Variants in MYO3A observed in about 807,000 individuals in gnomAD.
MYO3A encodes myosin IIIA, also known as myosin-IIIa.
A neutral mutation model predicts 192.7 loss-of-function variants in MYO3A; 180 were observed. That is an observed-to-expected ratio of 0.93 (90% CI 0.83 to 1.06). The LOEUF is 1.06. Ranked by LOEUF, MYO3A falls within the 50% of genes least tolerant of loss-of-function variation. MYO3A has a pLI of 0.00. For missense variants in MYO3A, 1,896 were observed against 1,905.0 expected, an observed-to-expected ratio of 1.00 and a Z score of 0.09; for synonymous variants, 628 against 645.3, an observed-to-expected ratio of 0.97 and a Z score of 0.41.
intron 14 of MYO3A, among the ~76,000 whole-genome samples, chr10:26,081,289 A>T (rs1285078653): frequency 1.3e-5 from 2 of 151,772 alleles, no homozygotes; most frequent in Non-Finnish European, 2.9e-5. Context: ...GGAGTTGTGT[A>T]CCTAGGAGGA....
intron 2 of MYO3A, among the ~76,000 whole-genome samples, chr10:25,947,389 CTTTT>C (rs869281200): frequency 1.1e-5 from 1 of 91,866 alleles, no homozygotes; most frequent in Non-Finnish European, 2.1e-5. Flanking sequence ...TTTTCTTTTT[CTTTT>C]TTTTTTTTTT....
chr10:26,081,629 T>C (rs56251617), intron 14 of MYO3A, among the ~76,000 whole-genome samples: 5,667 of 152,252 alleles, frequency 0.037, 138 homozygotes, highest in Middle Eastern at 0.068. Context: ...ATTTCCTTCT[T>C]CCTGTGCAGT....
Position 26,067,036 on chromosome 10 carries a change from G to T in MYO3A, c.1015G>T (p.Asp339Tyr). 1 of 1,612,938 alleles carries T rather than the reference G, an allele frequency of 6.2e-7. No individual in the cohort carries two copies. The highest frequency in any genetic ancestry group is 1.1e-5 in the South Asian group (1 of 91,064). Reference sequence around the variant, plus strand: ...CCGACCTCTAATATCCAATCTGAAGGATGTAGATGATTTAGCAACCCTAGA... The same window carrying T: ...CCGACCTCTAATATCCAATCTGAAGTATGTAGATGATTTAGCAACCCTAGA... Reference protein sequence around the residue: ...FNRPLISNLKDVDDLATLEIL... With the variant: ...FNRPLISNLKYVDDLATLEIL... The change falls in exon 11 of 35, where the codon GAT becomes TAT. Residue 339 changes from aspartate to tyrosine, a missense_variant. Transcript: ENST00000642920.
chr10:25,994,870 A>G (rs1206523262), intron 4 of MYO3A, among the ~76,000 whole-genome samples: 2 of 152,324 alleles, frequency 1.3e-5, no homozygotes, highest in African/African-American at 4.8e-5. Flanking sequence ...AGTTTCTGCC[A>G]GGAGATCCAC....
intron 2 of MYO3A, among the ~76,000 whole-genome samples, chr10:25,940,930 C>A (rs1836449580): frequency 6.6e-6 from 1 of 152,032 alleles, no homozygotes. Flanking sequence ...TTTGAATTTT[C>A]CTGAATTGGA....
At chr10:26,095,267 T>C (rs747684352) in intron 15 of MYO3A, among the ~76,000 whole-genome samples, 1 of 152,214 alleles carries the variant, frequency 6.6e-6, no homozygotes, top group Non-Finnish European at 1.5e-5. Flanking sequence ...CAGCAAGTCC[T>C]TCTGGTTGAG....
chr10:26,072,216 G>A (rs1221234851), intron 14 of MYO3A, among the ~76,000 whole-genome samples: 1 of 152,134 alleles, frequency 6.6e-6, no homozygotes, highest in African/African-American at 2.4e-5. Context: ...GGGATTACAG[G>A]TCCTTCCCTA....
chr10:26,075,303 G>A (rs538491489), intron 14 of MYO3A, among the ~76,000 whole-genome samples: 20 of 147,972 alleles, frequency 1.4e-4, no homozygotes, highest in Admixed American at 1.1e-3. Flanking sequence ...CATAGTTATC[G>A]GGATACAGGT....
intron 15 of MYO3A, among the ~76,000 whole-genome samples, chr10:26,093,368 T>C (rs956207540): frequency 3.3e-5 from 5 of 152,238 alleles, no homozygotes; most frequent in African/African-American, 1.2e-4. Flanking sequence ...TATTATTTTG[T>C]GGTGAGAAAA....
At chr10:26,020,922 G>A (rs1588795953) in intron 7 of MYO3A, among the ~76,000 whole-genome samples, 1 of 152,286 alleles carries the variant, frequency 6.6e-6, no homozygotes, top group East Asian at 1.9e-4. Context: ...TAGGCTGTTG[G>A]TAAAACCACA....
chr10:26,047,154 T>G (rs1356360875), intron 10 of MYO3A, among the ~76,000 whole-genome samples: 2 of 152,304 alleles, frequency 1.3e-5, no homozygotes, highest in Non-Finnish European at 2.9e-5. Context: ...TTCAAAGAGA[T>G]TTCTGAAAAC....
chr10:26,154,927 T>C, intron 25 of MYO3A, 104 bp downstream of exon 25: 1 of 961,820 alleles, frequency 1.0e-6, no homozygotes, highest in Non-Finnish European at 1.6e-6. Context: ...GTTTATTGTA[T>C]TCCATTTACT....
Position 26,024,047 on chromosome 10 carries a change from C to A in MYO3A, c.757C>A (p.Pro253Thr), listed in dbSNP as rs1254947561. 3 of 1,613,136 alleles carry A rather than the reference C, an allele frequency of 1.9e-6. No homozygotes were observed. In the South Asian group the frequency reaches 3.3e-5, roughly 18 times the overall value. ...GAATCCACCCCCAAAACTAAGGCAG[C>A]CTGAGCTATGGTCAGCAGAATTCAA... is the stretch of plus-strand genomic sequence containing the variant. ...PRNPPPKLRQPELWSAEFNDF... is the reference protein window; with the variant it reads ...PRNPPPKLRQTELWSAEFNDF... Residue 253 changes from proline (P) to threonine (T), a missense_variant, in exon 9 of 35, where the codon CCT becomes ACT. Transcript: ENST00000642920.
At chr10:25,940,750 A>G (rs1313966300) in intron 2 of MYO3A, among the ~76,000 whole-genome samples, 1 of 152,158 alleles carries the variant, frequency 6.6e-6, no homozygotes, top group Non-Finnish European at 1.5e-5. Flanking sequence ...TTTTGAATAT[A>G]TTATGCTACT....
chr10:26,016,738 G>C, intron 6 of MYO3A, 82 bp from the exon 7 acceptor site: 1 of 1,309,880 alleles, frequency 7.6e-7, no homozygotes, highest in Non-Finnish European at 1.1e-6. Context: ...TTTAATATTA[G>C]TTTGCAAAAA....
At chr10:26,175,489 A>T (rs1275467354) in intron 30 of MYO3A, among the ~76,000 whole-genome samples, 1 of 152,238 alleles carries the variant, frequency 6.6e-6, no homozygotes, top group Non-Finnish European at 1.5e-5. Context: ...TAGTTCCAAG[A>T]AAGACTATCT....
chr10:26,081,513 C>T (rs1303172670), intron 14 of MYO3A, among the ~76,000 whole-genome samples: 3 of 152,178 alleles, frequency 2.0e-5, no homozygotes, highest in South Asian at 2.1e-4. Flanking sequence ...AAGAAAAGTG[C>T]TTGGCTCTTC....
At chr10:26,179,959 G>A (rs1185999314) in intron 31 of MYO3A, among the ~76,000 whole-genome samples, 2 of 151,884 alleles carry the variant, frequency 1.3e-5, no homozygotes, top group African/African-American at 2.4e-5. Context: ...TCAGCCTCCC[G>A]AGTAGCTGGG....
chr10:26,211,704 G>T, intron 34 of MYO3A, 139 bp from the exon 35 acceptor site: 10 of 1,335,906 alleles, frequency 7.5e-6, no homozygotes, highest in Non-Finnish European at 1.0e-5. Flanking sequence ...CCATTATCCA[G>T]TCGTTTCGAT....
Sources: gnomAD v4.1 joint callset for allele counts (sites outside exome capture counted in the v4.1 genomes callset) on GRCh38, gnomAD v4.1.1 for gene constraint, MANE v1.5 for transcripts, NCBI Gene and HGNC (gene_info 2026-07-23, HGNC 2026-07-21) for gene names.